The following RBFOX1 variants were observed in gnomAD, a reference collection of about 807,000 sequenced individuals.
RBFOX1 encodes RNA binding fox-1 homolog 1.
RBFOX1 carries 8 observed loss-of-function variants against 57.7 expected under a neutral mutation model. That is an observed-to-expected ratio of 0.14 (90% CI 0.08 to 0.25). The LOEUF is 0.25. Among genes scored for constraint, RBFOX1 ranks in the 10% least tolerant of loss-of-function variants. RBFOX1 has a pLI of 1.00. For synonymous variants in RBFOX1, 326 were observed against 222.4 expected, an observed-to-expected ratio of 1.47 and a Z score of -4.15; for missense variants, 611 against 548.5, an observed-to-expected ratio of 1.11 and a Z score of -1.14.
intron 3 of RBFOX1, among the ~76,000 whole-genome samples, chr16:5,699,179 G>A (rs1454151067): frequency 6.6e-6 from 1 of 151,304 alleles, no homozygotes; most frequent in Non-Finnish European, 1.5e-5. Context: ...GTAGAGATGA[G>A]GTTTCACCAT....
At chr16:5,453,457 C>G (rs1305874248) in intron 1 of RBFOX1, among the ~76,000 whole-genome samples, 1 of 152,154 alleles carries the variant, frequency 6.6e-6, no homozygotes, top group Non-Finnish European at 1.5e-5. Flanking sequence ...GAGGATAGGA[C>G]ACCTATCCCA....
At chr16:6,829,190 T>C (rs2154284000) in intron 3 of RBFOX1, among the ~76,000 whole-genome samples, 1 of 151,044 alleles carries the variant, frequency 6.6e-6, no homozygotes, top group Middle Eastern at 3.4e-3. Flanking sequence ...AAATGTCAGA[T>C]GTGTCATTTG....
intron 4 of RBFOX1, among the ~76,000 whole-genome samples, chr16:7,078,479 C>A (rs1406520063): frequency 6.6e-6 from 1 of 152,030 alleles, no homozygotes; most frequent in East Asian, 1.9e-4. Flanking sequence ...TCCCGAGTAG[C>A]TGGGATTATA....
chr16:5,424,899 C>A lies in RBFOX1; in HGVS notation c.220-42317C>A, dbSNP rs921396946. Reference sequence around the variant, plus strand: ...TTTTTCTTTCTTTCTTTCTTTCTTTCTTTCTTTCTTTCTTTCTTTCTTTCT... The same window carrying A: ...TTTTTCTTTCTTTCTTTCTTTCTTTATTTCTTTCTTTCTTTCTTTCTTTCT... On this transcript the variant is annotated intron_variant, in intron 1 of 2. Transcript: ENST00000585867. 6.3e-4 allele frequency among the ~76,000 whole-genome samples: 61 copies of A among 96,426 alleles called. 3 individuals are homozygous for A. Among genetic ancestry groups the A allele is most frequent in the African/African-American group, 2.5e-3 (55 of 21,784 alleles). 63.3% of individuals were successfully genotyped at this position (96,426 alleles called of 152,430 possible).
At chr16:6,623,809 G>GT (rs2098268427) in intron 2 of RBFOX1, among the ~76,000 whole-genome samples, 1 of 152,136 alleles carries the variant, frequency 6.6e-6, no homozygotes, top group Non-Finnish European at 1.5e-5. Flanking sequence ...ATTCTATGGT[G>GT]TATATGTGCC....
At chr16:6,590,432 G>T (rs1222870976) in intron 2 of RBFOX1, among the ~76,000 whole-genome samples, 1 of 152,112 alleles carries the variant, frequency 6.6e-6, no homozygotes, top group Non-Finnish European at 1.5e-5. Flanking sequence ...TGTGTAGGTG[G>T]TATAGAATTC....
chr16:6,649,124 A>C (rs748038671), intron 2 of RBFOX1, among the ~76,000 whole-genome samples: 2 of 152,198 alleles, frequency 1.3e-5, no homozygotes, highest in Non-Finnish European at 2.9e-5. Context: ...TAGTGAGGGT[A>C]GTCCCTGCCA....
At chr16:7,140,437 C>T (rs986190407) in intron 4 of RBFOX1, among the ~76,000 whole-genome samples, 15 of 151,922 alleles carry the variant, frequency 9.9e-5, no homozygotes, top group African/African-American at 3.4e-4. Context: ...TATTGTCTAA[C>T]TTCCCAAATA....
At chr16:5,998,344 A>G (rs56133439) in intron 4 of RBFOX1, among the ~76,000 whole-genome samples, 122 of 152,362 alleles carry the variant, frequency 8.0e-4, no homozygotes, top group African/African-American at 2.8e-3. Flanking sequence ...GATTACACTG[A>G]CATTTACATT....
At chr16:7,536,070 CTG>C (rs2081394667) in intron 5 of RBFOX1, among the ~76,000 whole-genome samples, 1 of 152,194 alleles carries the variant, frequency 6.6e-6, no homozygotes, top group African/African-American at 2.4e-5. Flanking sequence ...AGCCAGCCAT[CTG>C]TATCCACCAG....
At chr16:5,255,860 G>A (rs1343769961) in intron 1 of RBFOX1, among the ~76,000 whole-genome samples, 2 of 152,006 alleles carry the variant, frequency 1.3e-5, no homozygotes, top group African/African-American at 4.8e-5. Flanking sequence ...AAACTGAGCT[G>A]CCTCCTAGCT....
chr16:5,978,454 T>G (rs2060109974), intron 4 of RBFOX1, among the ~76,000 whole-genome samples: 1 of 152,214 alleles, frequency 6.6e-6, no homozygotes, highest in East Asian at 1.9e-4. Flanking sequence ...GATAACGTCA[T>G]CCATCAACAG....
At chr16:6,332,053 C>T (rs777624780) in intron 2 of RBFOX1, among the ~76,000 whole-genome samples, 10 of 152,096 alleles carry the variant, frequency 6.6e-5, no homozygotes, top group Non-Finnish European at 1.3e-4. Flanking sequence ...TTGTGTAACA[C>T]CAATGGGGTG....
chr16:6,622,275 G>T lies in RBFOX1; in HGVS notation c.-63-32328G>T, dbSNP rs190390738. Among the ~76,000 whole-genome samples, 6 of 152,270 alleles carry T rather than the reference G, an allele frequency of 3.9e-5. No individual in the cohort carries two copies. In the East Asian group the frequency reaches 1.2e-3, roughly 29 times the overall value. On this transcript the variant is annotated intron_variant, in intron 2 of 15. Coordinates refer to ENST00000550418, the MANE Select transcript of RBFOX1 (RefSeq NM_018723.4). ...TCAACAGCAGACTACATATATGACT[G>T]TGGTCCTATAAGATTATAATGGAAT...
intron 4 of RBFOX1, among the ~76,000 whole-genome samples, chr16:5,874,408 G>T (rs1368823742): frequency 6.6e-6 from 1 of 152,190 alleles, no homozygotes; most frequent in Non-Finnish European, 1.5e-5. Context: ...TTTACACATT[G>T]AAAGGTGATC....
chr16:6,492,569 A>T (rs796710445), intron 2 of RBFOX1, among the ~76,000 whole-genome samples: 11 of 149,246 alleles, frequency 7.4e-5, no homozygotes, highest in African/African-American at 2.7e-4. Context: ...ACTCCATCTC[A>T]AAAATAAATA....
intron 4 of RBFOX1, among the ~76,000 whole-genome samples, chr16:7,053,037 A>G (rs1568556173): frequency 2.0e-5 from 3 of 152,346 alleles, no homozygotes; most frequent in South Asian, 2.1e-4. Context: ...ATAAATAAGC[A>G]TAATGTATTT....
intron 3 of RBFOX1, among the ~76,000 whole-genome samples, chr16:6,888,494 C>A (rs538867494): frequency 9.2e-5 from 14 of 152,122 alleles, no homozygotes; most frequent in Admixed American, 2.0e-4. Context: ...AATTAAATTC[C>A]CTTGCAATTG....
intron 4 of RBFOX1, among the ~76,000 whole-genome samples, chr16:7,496,596 G>A (rs1317624990): frequency 7.9e-5 from 12 of 151,932 alleles, no homozygotes; most frequent in Admixed American, 2.6e-4. Context: ...CCCCCAAAGT[G>A]TGTGTTCAAG....
Sources: gnomAD v4.1 joint callset for allele counts (sites outside exome capture counted in the v4.1 genomes callset) on GRCh38, gnomAD v4.1.1 for gene constraint, MANE v1.5 for transcripts, NCBI Gene and HGNC (gene_info 2026-07-23, HGNC 2026-07-21) for gene names.